KIAA1671: variants seen among roughly 807,000 people sequenced by gnomAD.
KIAA1671 encodes the protein KIAA1671.
A neutral mutation model predicts 131.2 loss-of-function variants in KIAA1671; 52 were observed. The ratio of observed to expected loss-of-function variants is 0.40; its 90% confidence interval spans 0.32 to 0.50. KIAA1671 has a LOEUF of 0.50. Ranked by LOEUF, KIAA1671 falls within the 20% of genes least tolerant of loss-of-function variation. The pLI is 0.73. For synonymous variants in KIAA1671, 1,003 were observed against 961.6 expected (o/e 1.04, Z -0.80); for missense variants, 2,360 against 2,364.2 (o/e 1.00, Z 0.04).
intron 1 of KIAA1671, among the ~76,000 whole-genome samples, chr22:25,004,322 C>G (rs999211643): frequency 2.0e-5 from 3 of 151,986 alleles, no homozygotes; most frequent in Non-Finnish European, 2.9e-5. Flanking sequence ...CATTATGTTG[C>G]CCAAGCTGAT....
intron 1 of KIAA1671, among the ~76,000 whole-genome samples, chr22:24,985,735 A>AGT (rs964211794): frequency 5.5e-5 from 8 of 146,322 alleles, no homozygotes; most frequent in African/African-American, 1.8e-4. Flanking sequence ...AGAGTGTGTG[A>AGT]GTGTGTGTGT....
chr22:24,964,310 CAGAG>C (rs1922179214), intron 1 of KIAA1671, among the ~76,000 whole-genome samples: 1 of 152,042 alleles, frequency 6.6e-6, no homozygotes. Context: ...GCCTGGGAGA[CAGAG>C]GGAGACTCTG....
At chr22:25,096,350 C>T (rs1930388647) in intron 6 of KIAA1671, among the ~76,000 whole-genome samples, 1 of 152,210 alleles carries the variant, frequency 6.6e-6, no homozygotes, top group Non-Finnish European at 1.5e-5. Flanking sequence ...GGCTGCCTCT[C>T]TGTGCCTGTT....
chr22:25,032,927 T>C (rs1926373421), intron 4 of KIAA1671, among the ~76,000 whole-genome samples: 1 of 152,206 alleles, frequency 6.6e-6, no homozygotes, highest in African/African-American at 2.4e-5. Flanking sequence ...TCAGGCATTT[T>C]TTTTCTTCGC....
At chr22:25,062,447 TCCCCCCAGC>T (rs913088352) in intron 6 of KIAA1671, 4 of 152,044 alleles carry the variant, frequency 2.6e-5, no homozygotes, top group African/African-American at 9.7e-5. Flanking sequence ...TAGCAGGCAC[TCCCCCCAGC>T]CCCCACCCCA....
intron 6 of KIAA1671, chr22:25,054,606 G>A (rs1308764887): frequency 1.3e-5 from 2 of 149,768 alleles, no homozygotes; most frequent in East Asian, 2.0e-4. Flanking sequence ...GCCCTCCCTG[G>A]GCACGCCACC....
At chr22:25,155,071 G>T (rs1236127719) in intron 6 of KIAA1671, among the ~76,000 whole-genome samples, 3 of 152,130 alleles carry the variant, frequency 2.0e-5, no homozygotes, top group Non-Finnish European at 4.4e-5. Context: ...TGGATACTTG[G>T]GATAGGAAAC....
At chr22:25,156,383 G>A (rs1170219948) in intron 6 of KIAA1671, among the ~76,000 whole-genome samples, 1 of 151,956 alleles carries the variant, frequency 6.6e-6, no homozygotes, top group African/African-American at 2.4e-5. Flanking sequence ...TTGTGTGTAT[G>A]CATTTGTGTG....
chr22:25,189,415 C>T (rs1053040241), intron 11 of KIAA1671, among the ~76,000 whole-genome samples: 2 of 152,028 alleles, frequency 1.3e-5, no homozygotes, highest in East Asian at 1.9e-4. Flanking sequence ...CCTCGTGATC[C>T]GCCCAGCTCG....
At chr22:25,134,262 CT>C (rs766517898) in intron 6 of KIAA1671, among the ~76,000 whole-genome samples, 1 of 152,084 alleles carries the variant, frequency 6.6e-6, no homozygotes, top group Non-Finnish European at 1.5e-5. Flanking sequence ...TGCCAGAGGG[CT>C]TGGCAGCTGG....
At chr22:25,014,169 ATGGGT>A (rs1172499466) in intron 1 of KIAA1671, 1 of 152,150 alleles carries the variant, frequency 6.6e-6, no homozygotes, top group Admixed American at 6.6e-5. Context: ...GTAGTGGGGG[ATGGGT>A]TATCTAATAT....
At chr22:25,126,996 T>A (rs543397848) in intron 6 of KIAA1671, among the ~76,000 whole-genome samples, 5 of 152,320 alleles carry the variant, frequency 3.3e-5, no homozygotes, top group African/African-American at 1.2e-4. Flanking sequence ...GGGCCTCAGT[T>A]TCCCCATATG....
chr22:24,991,704 G>A (rs192255257), intron 1 of KIAA1671, among the ~76,000 whole-genome samples: 2,217 of 145,774 alleles, frequency 0.015, 15 homozygotes, highest in Non-Finnish European at 0.022. Flanking sequence ...CTCGTGATCC[G>A]CCTGCCTCAG....
At chr22:25,158,877 C>T (rs933189601) in intron 6 of KIAA1671, among the ~76,000 whole-genome samples, 3 of 152,190 alleles carry the variant, frequency 2.0e-5, no homozygotes, top group African/African-American at 7.2e-5. Flanking sequence ...CTTCAGCTCA[C>T]TTATCTGTGA....
At position 25,032,581 on chromosome 22, in the gene KIAA1671, A is replaced by G. The variant is rs1187223920; in HGVS notation, c.1542-28A>G. 3.0e-5 allele frequency: 44 copies of G among 1,462,848 alleles called. No individual in the cohort carries two copies. The East Asian group carries it at 1.0e-3, about 35-fold the overall frequency. 90.6% of individuals were successfully genotyped at this position (1,462,848 alleles called of 1,614,324 possible). A position where few individuals can be genotyped will look rare whatever the true frequency, so the allele number is the denominator to read the frequency against. Reference sequence around the variant, plus strand: ...GGGGGGAATAACAGCTTCCAGCTCCATGAAGGTAACTCAGATCTCTGTACC... The same window carrying G: ...GGGGGGAATAACAGCTTCCAGCTCCGTGAAGGTAACTCAGATCTCTGTACC... On this transcript the variant is annotated intron_variant, in intron 3 of 12. Coordinates refer to ENST00000358431, the MANE Select transcript of KIAA1671 (RefSeq NM_001145206.2).
intron 1 of KIAA1671, among the ~76,000 whole-genome samples, chr22:25,017,720 T>A (rs1925404008): frequency 6.6e-6 from 1 of 152,160 alleles, no homozygotes; most frequent in Non-Finnish European, 1.5e-5. Flanking sequence ...GAGAGTAAAA[T>A]GGGCTTATCC....
At chr22:25,117,634 C>CACACACAG (rs1568965459) in intron 6 of KIAA1671, among the ~76,000 whole-genome samples, 1 of 148,134 alleles carries the variant, frequency 6.8e-6, no homozygotes, top group African/African-American at 2.5e-5. Context: ...CACACACACA[C>CACACACAG]ACAGACACAC....
chr22:25,112,145 ACTTC>A (rs1931395442), intron 6 of KIAA1671: 1 of 398,608 alleles, frequency 2.5e-6, no homozygotes, highest in Non-Finnish European at 4.4e-6. Context: ...TCCCTCCCTA[ACTTC>A]CTTCTTCCCT....
intron 1 of KIAA1671, among the ~76,000 whole-genome samples, chr22:24,970,848 A>G (rs537670989): frequency 6.6e-6 from 1 of 152,226 alleles, no homozygotes; most frequent in East Asian, 1.9e-4. Context: ...TTGATCTAGT[A>G]TATTTATAAC....
Sources: allele counts gnomAD v4.1 joint callset (sites outside exome capture counted in the v4.1 genomes callset), GRCh38; gene constraint gnomAD v4.1.1; transcripts MANE v1.5; gene names NCBI Gene and HGNC (gene_info 2026-07-23, HGNC 2026-07-21).